KIAA0753: variants seen among roughly 807,000 people sequenced by gnomAD.
The protein encoded by KIAA0753 is KIAA0753, also known as protein moonraker.
A neutral mutation model predicts 116.9 loss-of-function variants in KIAA0753; 114 were observed. The observed-to-expected ratio is 0.98, with a 90% CI of 0.84 to 1.14. The LOEUF (loss-of-function observed/expected upper bound fraction) is 1.14, where lower values mean the gene tolerates loss of function less well. KIAA0753 is among the 50% of genes most tolerant of loss of function. The pLI is 0.00. For synonymous variants in KIAA0753, 405 were observed against 413.1 expected (o/e 0.98, Z 0.24); for missense variants, 1,156 against 1,172.4 (o/e 0.99, Z 0.20).
chr17:6,596,713 A>G (rs1472503635), intron 14 of KIAA0753, among the ~76,000 whole-genome samples: 1 of 152,216 alleles, frequency 6.6e-6, no homozygotes, highest in Non-Finnish European at 1.5e-5. Flanking sequence ...GGATGTAACT[A>G]TTCTCTTTTG....
In KIAA0753 at chr17:6,607,278, A is replaced by G. The variant is rs1970257402; in HGVS notation, c.1830-8T>C. The G allele has an allele frequency of 6.2e-7, 1 of 1,613,496 alleles. No individual in the cohort carries two copies. The highest frequency in any genetic ancestry group is 1.7e-5 in the Admixed American group (1 of 60,004). On this transcript the variant is annotated splice_polypyrimidine_tract_variant and splice_region_variant and intron_variant, in intron 10 of 18. Coordinates refer to ENST00000361413, the MANE Select transcript of KIAA0753 (RefSeq NM_014804.3). The stretch of plus-strand genomic sequence containing the variant: ...GCATCAAGCCAAGCGAGCCTAGCAG[A>G]CAGTCAAAAGAGTCAAACCAATTCT...
At position 6,628,261 on chromosome 17, in the gene KIAA0753, G is replaced by A; in HGVS notation, c.574C>T (p.Pro192Ser). Residue 192 changes from proline to serine, a missense_variant, in exon 3 of 19, where the codon CCC (proline) becomes TCC (serine). Physicochemically the swap from Pro to Ser is moderately conservative, Grantham distance 74 (BLOSUM62 -1). Coordinates refer to ENST00000361413, the MANE Select transcript of KIAA0753 (RefSeq NM_014804.3). Reference sequence around the variant, plus strand: ...GGCTGAAGTCCCGGATCATGGGTGGGTGGCGAATTTGGCACAGTAAGATCT... The same window carrying A: ...GGCTGAAGTCCCGGATCATGGGTGGATGGCGAATTTGGCACAGTAAGATCT... ...QSDLTVPNSP[P>S]THDPGLQPHP... 6.2e-7 allele frequency: 1 copy of A among 1,614,146 alleles called. No individual in the cohort carries two copies. Among genetic ancestry groups the A allele is most frequent in the Non-Finnish European group, 8.5e-7 (1 of 1,180,032 alleles).
rs753272220 is a variant in KIAA0753 at position 6,603,972 on chromosome 17, AAGC to A, written c.2009+2898_2009+2900del. On this transcript the variant is annotated intron_variant, in intron 12 of 18. Coordinates refer to ENST00000361413, the MANE Select transcript of KIAA0753 (RefSeq NM_014804.3). ...TACACCCATCAGAACGCCTACAAAA[AAGC>A]AGAGTGACACCACCAAGTGCTGACA... 3.3e-4 allele frequency among the ~76,000 whole-genome samples: 50 copies of A among 152,326 alleles called. No individual in the cohort carries two copies. The Middle Eastern group carries it at 0.01, about 31-fold the overall frequency.
chr17:6,593,653 C>T (rs1006496083), intron 16 of KIAA0753, among the ~76,000 whole-genome samples: 2 of 152,208 alleles, frequency 1.3e-5, no homozygotes, highest in African/African-American at 4.8e-5. Flanking sequence ...TGTGGGAGGC[C>T]GAGGTGGGTG....
intron 2 of KIAA0753, among the ~76,000 whole-genome samples, chr17:6,632,623 G>A (rs1402193337): frequency 2.0e-5 from 3 of 152,184 alleles, no homozygotes; most frequent in South Asian, 2.1e-4. Flanking sequence ...AAGCAAAGGA[G>A]TAACTTTACA....
rs199909867 is a variant in KIAA0753 at position 6,589,908 on chromosome 17, C to T, written c.2657G>A (p.Arg886Gln). 5.2e-4 allele frequency: 846 copies of T among 1,613,462 alleles called. 6 individuals are homozygous for T. In the Middle Eastern group the frequency reaches 0.02, roughly 39 times the overall value. Residue 886 changes from arginine to glutamine, a missense_variant, in exon 18 of 19, where the codon CGA becomes CAA. Arg to Gln is a conservative substitution (Grantham distance 43). Coordinates refer to ENST00000361413, the MANE Select transcript of KIAA0753 (RefSeq NM_014804.3). ...LAEDSQQKEG[R>Q]APLFVPPGMQ... is the part of the protein sequence containing the mutation. ...ACCCGGTGGGACAAAGAGGGGAGCTCGGCCTTCTTTCTGTTGAGAATCTTC... is the reference window on the plus strand; with the variant it reads ...ACCCGGTGGGACAAAGAGGGGAGCTTGGCCTTCTTTCTGTTGAGAATCTTC...
intron 16 of KIAA0753, among the ~76,000 whole-genome samples, chr17:6,591,495 T>C (rs932767790): frequency 2.6e-5 from 4 of 152,222 alleles, no homozygotes; most frequent in African/African-American, 9.6e-5. Context: ...AATTGGGTTT[T>C]GTGATGAAAT....
intron 5 of KIAA0753, 110 bp downstream of exon 5, chr17:6,623,399 C>A: frequency 1.1e-6 from 1 of 876,384 alleles, no homozygotes; most frequent in Admixed American, 2.6e-5. Context: ...TAACAGGTTT[C>A]TGCAAGTACT....
intron 6 of KIAA0753, among the ~76,000 whole-genome samples, chr17:6,621,281 A>G (rs1427432057): frequency 1.3e-5 from 2 of 152,248 alleles, no homozygotes; most frequent in East Asian, 1.9e-4. Flanking sequence ...TCATCATTTT[A>G]GAAATTAACT....
At chr17:6,610,212 T>C (rs772273647) in intron 8 of KIAA0753, 52 bp from the exon 9 acceptor site, 2 of 1,584,650 alleles carry the variant, frequency 1.3e-6, no homozygotes, top group Non-Finnish European at 1.7e-6. Flanking sequence ...AAAGAAACTA[T>C]GGTTTAACCT....
At chr17:6,589,716 TTTTTC>T in intron 18 of KIAA0753, 58 bp downstream of exon 18, 1 of 1,294,678 alleles carries the variant, frequency 7.7e-7, no homozygotes, top group Non-Finnish European at 1.1e-6. Context: ...TTTCTCCAGC[TTTTTC>T]TAAGTCTAAA....
At chr17:6,605,190 G>A (rs1387625292) in intron 12 of KIAA0753, among the ~76,000 whole-genome samples, 1 of 152,006 alleles carries the variant, frequency 6.6e-6, no homozygotes, top group African/African-American at 2.4e-5. Context: ...GAAATGGGAG[G>A]TCTAAGCCTA....
intron 14 of KIAA0753, 37 bp downstream of exon 14, chr17:6,599,200 C>G (rs1287413238): frequency 2.1e-6 from 3 of 1,409,244 alleles, no homozygotes; most frequent in Middle Eastern, 1.8e-4. Flanking sequence ...TGTTATCAAG[C>G]AATAATACCA....
chr17:6,605,336 GC>G (rs980683126), intron 12 of KIAA0753, among the ~76,000 whole-genome samples: 1 of 152,182 alleles, frequency 6.6e-6, no homozygotes, highest in Non-Finnish European at 1.5e-5. Context: ...TTACAGCGCA[GC>G]CCCTCTCCTG....
At chr17:6,582,366 C>T (rs1968241383) in intron 18 of KIAA0753, among the ~76,000 whole-genome samples, 1 of 152,162 alleles carries the variant, frequency 6.6e-6, no homozygotes, top group South Asian at 2.1e-4. Flanking sequence ...CAGTTAAGTT[C>T]ATGTTTCTGT....
At chr17:6,590,903 A>G (rs1329512367) in intron 16 of KIAA0753, among the ~76,000 whole-genome samples, 1 of 152,120 alleles carries the variant, frequency 6.6e-6, no homozygotes, top group African/African-American at 2.4e-5. Context: ...CCCAGGCTAC[A>G]TGGCTTCCAT....
chr17:6,618,872 A>C (rs184440212), intron 7 of KIAA0753, among the ~76,000 whole-genome samples: 4 of 152,224 alleles, frequency 2.6e-5, no homozygotes, highest in African/African-American at 9.6e-5. Context: ...AAAAAGTTCA[A>C]ATATGTCATT....
At chr17:6,619,134 C>T (rs574536801) in intron 7 of KIAA0753, among the ~76,000 whole-genome samples, 167 of 152,000 alleles carry the variant, frequency 1.1e-3, no homozygotes, top group African/African-American at 3.7e-3. Context: ...GAGGCTGAGG[C>T]AGGAGAATTG....
chr17:6,617,233 T>C (rs1970993938), intron 7 of KIAA0753, among the ~76,000 whole-genome samples: 1 of 152,146 alleles, frequency 6.6e-6, no homozygotes, highest in Admixed American at 6.5e-5. Flanking sequence ...CTTAAGTGCC[T>C]AACTGTGTGG....
Sources: allele counts gnomAD v4.1 joint callset (sites outside exome capture counted in the v4.1 genomes callset), GRCh38; gene constraint gnomAD v4.1.1; transcripts MANE v1.5; gene names NCBI Gene and HGNC (gene_info 2026-07-23, HGNC 2026-07-21).